Variants in ASTN2 observed in about 807,000 individuals in gnomAD.
ASTN2 encodes astrotactin-2.
Under a neutral mutation model 139.8 loss-of-function variants are expected in ASTN2, and 54 were observed. That is an observed-to-expected ratio of 0.39 (90% CI 0.31 to 0.48). ASTN2 has a LOEUF of 0.48. Among genes scored for constraint, ASTN2 ranks in the 20% least tolerant of loss-of-function variants. The pLI is 0.95. For missense variants in ASTN2, 1,565 were observed against 1,725.1 expected, an observed-to-expected ratio of 0.91 and a Z score of 1.64; for synonymous variants, 756 against 719.5, an observed-to-expected ratio of 1.05 and a Z score of -0.81.
chr9:116,944,374 A>T (rs1835322605), intron 10 of ASTN2, among the ~76,000 whole-genome samples: 1 of 152,056 alleles, frequency 6.6e-6, no homozygotes, highest in Non-Finnish European at 1.5e-5. Context: ...GACATGGGAG[A>T]GAAGATCAAT....
At chr9:117,128,371 C>CAAAAAAAAAAAAAAAA (rs1167187783) in intron 4 of ASTN2, among the ~76,000 whole-genome samples, 5 of 66,414 alleles carry the variant, frequency 7.5e-5, no homozygotes, top group African/African-American at 2.4e-4. Context: ...GACACTGTCT[C>CAAAAAAAAAAAAAAAA]AAAAAAAAAA....
chr9:116,949,295 C>G (rs765926374), intron 10 of ASTN2, among the ~76,000 whole-genome samples: 12 of 152,174 alleles, frequency 7.9e-5, no homozygotes, highest in Admixed American at 2.6e-4. Flanking sequence ...ATATGTCAGT[C>G]CCAGTGCTAG....
At position 116,988,435 on chromosome 9, in the gene ASTN2, AC is replaced by A. The variant is rs1186361259; in HGVS notation, c.1592-11651del. On this transcript the variant is annotated intron_variant, in intron 7 of 22. Coordinates refer to ENST00000313400, the MANE Select transcript of ASTN2 (RefSeq NM_001365068.1). ...TCTTATTCCAGACCTCTTGGTTATC[AC>A]TTAGAAAAAGGAAAATACCAAGAGA... 7.2e-5 allele frequency among the ~76,000 whole-genome samples: 11 copies of A among 152,252 alleles called. No individual in the cohort carries two copies. The East Asian group carries it at 2.1e-3, about 29-fold the overall frequency.
intron 12 of ASTN2, among the ~76,000 whole-genome samples, chr9:116,809,227 AT>A (rs1200623617): frequency 6.6e-6 from 1 of 152,200 alleles, no homozygotes; most frequent in East Asian, 1.9e-4. Flanking sequence ...GTTTAAAAAA[AT>A]CTTTGGTTAT....
At chr9:117,016,616 C>CTATATA (rs1270792302) in intron 6 of ASTN2, among the ~76,000 whole-genome samples, 1 of 42,470 alleles carries the variant, frequency 2.4e-5, no homozygotes, top group African/African-American at 1.9e-4. Flanking sequence ...ATATCTATAT[C>CTATATA]TATCTATCTA....
chr9:116,833,680 CA>C (rs1831891826), intron 11 of ASTN2, among the ~76,000 whole-genome samples: 1 of 152,108 alleles, frequency 6.6e-6, no homozygotes, highest in African/African-American at 2.4e-5. Flanking sequence ...TTCTTTGACC[CA>C]TTGATTATTC....
At chr9:117,263,700 T>C (rs1203704468) in intron 2 of ASTN2, among the ~76,000 whole-genome samples, 3 of 152,160 alleles carry the variant, frequency 2.0e-5, no homozygotes, top group Non-Finnish European at 4.4e-5. Context: ...TTTTCCAGAA[T>C]TGTGGTAATA....
chr9:116,720,429 A>G (rs1250245627), intron 16 of ASTN2, among the ~76,000 whole-genome samples: 1 of 152,160 alleles, frequency 6.6e-6, no homozygotes, highest in Non-Finnish European at 1.5e-5. Flanking sequence ...GTACACTTGG[A>G]AAAGACATGT....
chr9:116,599,812 T>A (rs1854779017), intron 19 of ASTN2, among the ~76,000 whole-genome samples: 1 of 152,196 alleles, frequency 6.6e-6, no homozygotes, highest in South Asian at 2.1e-4. Flanking sequence ...CACCTCCCCA[T>A]GTCAGATGGA....
chr9:116,553,876 G>A (rs1315967611), intron 19 of ASTN2, among the ~76,000 whole-genome samples: 1 of 152,196 alleles, frequency 6.6e-6, no homozygotes, highest in Non-Finnish European at 1.5e-5. Context: ...GCTATGGAAG[G>A]ACAAGATATC....
At chr9:117,335,461 T>C (rs1828853334) in intron 1 of ASTN2, among the ~76,000 whole-genome samples, 1 of 152,202 alleles carries the variant, frequency 6.6e-6, no homozygotes, top group South Asian at 2.1e-4. Flanking sequence ...TAGTTTTACC[T>C]GGAACATAGA....
intron 1 of ASTN2, among the ~76,000 whole-genome samples, chr9:117,309,801 A>G (rs1487359192): frequency 6.6e-6 from 1 of 152,196 alleles, no homozygotes. Flanking sequence ...GGAGGCAAGC[A>G]GATGGGTGGT....
chr9:116,441,894 T>C (rs1022946376), intron 21 of ASTN2, among the ~76,000 whole-genome samples: 1 of 152,238 alleles, frequency 6.6e-6, no homozygotes, highest in South Asian at 2.1e-4. Context: ...GCTGTTTATG[T>C]CATGAACCAG....
intron 2 of ASTN2, among the ~76,000 whole-genome samples, chr9:117,252,873 C>T (rs1041383350): frequency 6.6e-6 from 1 of 152,166 alleles, no homozygotes; most frequent in Non-Finnish European, 1.5e-5. Context: ...GGAGTGAATC[C>T]TGGCTTCACA....
intron 19 of ASTN2, among the ~76,000 whole-genome samples, chr9:116,543,034 T>C (rs55904272): frequency 0.14 from 21,717 of 152,038 alleles, 1,682 homozygotes; most frequent in Middle Eastern, 0.19. Flanking sequence ...AGAAATATTT[T>C]TGGAACTCTC....
chr9:117,060,614 C>T (rs926027491), intron 5 of ASTN2, among the ~76,000 whole-genome samples: 1 of 129,388 alleles, frequency 7.7e-6, no homozygotes, highest in African/African-American at 2.8e-5. Flanking sequence ...GAAGGGCGGG[C>T]CAGGGGCAGT....
chr9:117,016,244 C>T (rs986245948), intron 6 of ASTN2, among the ~76,000 whole-genome samples: 3 of 152,038 alleles, frequency 2.0e-5, no homozygotes, highest in Non-Finnish European at 4.4e-5. Flanking sequence ...GAAGTAGCCA[C>T]AGCTAGAACA....
At chr9:116,982,936 C>T (rs962555047) in intron 7 of ASTN2, among the ~76,000 whole-genome samples, 1 of 152,142 alleles carries the variant, frequency 6.6e-6, no homozygotes, top group African/African-American at 2.4e-5. Context: ...CCGCTGCCTC[C>T]TCCACCCCAG....
intron 13 of ASTN2, among the ~76,000 whole-genome samples, chr9:116,803,129 G>A (rs976026387): frequency 1.2e-4 from 19 of 152,126 alleles, no homozygotes; most frequent in African/African-American, 4.3e-4. Flanking sequence ...TCAAAGAGAA[G>A]GAATAATTCC....
Sources: gnomAD v4.1 joint callset for allele counts (sites outside exome capture counted in the v4.1 genomes callset) on GRCh38, gnomAD v4.1.1 for gene constraint, MANE v1.5 for transcripts, NCBI Gene and HGNC (gene_info 2026-07-23, HGNC 2026-07-21) for gene names.